The following CDC37 variants were observed in gnomAD, a reference collection of about 807,000 sequenced individuals.
CDC37 encodes the protein cell division cycle 37, HSP90 cochaperone.
CDC37 carries 9 observed loss-of-function variants against 46.9 expected under a neutral mutation model. That is an observed-to-expected ratio of 0.19 (90% confidence interval 0.12 to 0.33). The LOEUF is 0.33. CDC37 is among the 10% of genes least tolerant of loss of function. The pLI, the probability that CDC37 is intolerant of heterozygous loss-of-function variation, is 1.00. For synonymous variants in CDC37, 193 were observed against 191.0 expected (o/e 1.01, Z -0.09); for missense variants, 388 against 514.6 (o/e 0.75, Z 2.38).
In CDC37 at chr19:10,393,630, C is replaced by T; in HGVS notation, c.727-189G>A. ...GACCTCATCTGGCATTTGCCAAAGA[C>T]CACCTGCTTGGGAGCCCTGCTCTAC... is the stretch of plus-strand genomic sequence containing the variant. On this transcript the variant is annotated intron_variant, in intron 5 of 7. Transcript: ENST00000222005. The surrounding 1 kb of genome is among the most constrained non-coding windows in gnomAD (Gnocchi z 4.9). The T allele has an allele frequency of 1.7e-6, 1 of 592,202 alleles. No individual in the cohort carries two copies. The highest frequency in any genetic ancestry group is 2.9e-6 in the Non-Finnish European group (1 of 343,858). The allele number at this position is 592,202 out of a possible 1,614,324, so 36.7% of individuals were successfully genotyped here.
chr19:10,397,834 C>T (rs1265633754), intron 1 of CDC37, among the ~76,000 whole-genome samples: 1 of 152,130 alleles, frequency 6.6e-6, no homozygotes, highest in Non-Finnish European at 1.5e-5. Flanking sequence ...TTCCCGCTCA[C>T]CCCAGCCCCA....
chr19:10,396,689 G>A lies in CDC37; in HGVS notation c.103-486C>T, dbSNP rs1466990419. On this transcript the variant is annotated intron_variant, in intron 1 of 7. Transcript: ENST00000222005. This position sits in a 1 kb window ranked among gnomAD's most constrained non-coding sequence, Gnocchi z 5.9. ...GGGCTCAGGCGATCCTCCCACCTCAGTCTCCCAAGTAGCTGGGACTACAGG... is the reference window on the plus strand; with the variant it reads ...GGGCTCAGGCGATCCTCCCACCTCAATCTCCCAAGTAGCTGGGACTACAGG... Among the ~76,000 whole-genome samples the A allele has an allele frequency of 4.6e-5, 7 of 152,114 alleles. No individual in the cohort carries two copies. Among genetic ancestry groups the A allele is most frequent in the Non-Finnish European group, 7.4e-5 (5 of 68,018 alleles).
intron 3 of CDC37, 28 bp downstream of exon 3, chr19:10,395,406 GC>G (rs1212476872): frequency 3.1e-6 from 5 of 1,605,862 alleles, no homozygotes; most frequent in South Asian, 2.2e-5. Context: ...CCTCGACCTT[GC>G]CCCCCATAAC....
intron 1 of CDC37, among the ~76,000 whole-genome samples, chr19:10,399,931 T>A (rs1441930232): frequency 2.1e-5 from 1 of 48,320 alleles, no homozygotes; most frequent in Non-Finnish European, 3.8e-5. Context: ...GACTCCGTCT[T>A]AAAAAAAAAA....
rs1449345040 is a variant in CDC37 at position 10,396,424 on chromosome 19, C to G, written c.103-221G>C. Among the ~76,000 whole-genome samples the G allele has an allele frequency of 6.6e-6, 1 of 152,230 alleles. No individual in the cohort carries two copies. The highest frequency in any genetic ancestry group is 2.4e-5 in the African/African-American group (1 of 41,468). On this transcript the variant is annotated intron_variant, in intron 1 of 7. Coordinates refer to ENST00000222005, the MANE Select transcript of CDC37 (RefSeq NM_007065.4). The surrounding 1 kb of genome is among the most constrained non-coding windows in gnomAD (Gnocchi z 5.9). ...CTCAGAACCCTGGCGGCTCCCATCT[C>G]ACAGCAGAACCCAAGTTGTCACCAC...
Position 10,393,043 on chromosome 19 carries a change from C to A in CDC37, c.981+43G>T. Reference sequence around the variant, plus strand: ...ACTTGGGACACAGGGCTGGGGGAGACACACGGCCCGCCGGGAAGGCATGGG... The same window carrying A: ...ACTTGGGACACAGGGCTGGGGGAGAAACACGGCCCGCCGGGAAGGCATGGG... On this transcript the variant is annotated intron_variant, in intron 7 of 7. Coordinates refer to ENST00000222005, the MANE Select transcript of CDC37 (RefSeq NM_007065.4). The surrounding 1 kb of genome is among the most constrained non-coding windows in gnomAD (Gnocchi z 4.9). 6.4e-7 allele frequency: 1 copy of A among 1,564,272 alleles called. No homozygotes were observed. Among genetic ancestry groups the A allele is most frequent in the South Asian group, 1.1e-5 (1 of 90,116 alleles).
In CDC37 at chr19:10,393,958, C is replaced by T. The variant is rs558198042; in HGVS notation, c.727-517G>A. 6.6e-6 allele frequency among the ~76,000 whole-genome samples: 1 copy of T among 152,290 alleles called. No homozygotes were observed. Among genetic ancestry groups the T allele is most frequent in the South Asian group, 2.1e-4 (1 of 4,826 alleles). Reference sequence around the variant, plus strand: ...ACAAAAAATTAACCGGGCATGGTGGCACATGCCTGTAGTCCCAGCTACTCA... The same window carrying T: ...ACAAAAAATTAACCGGGCATGGTGGTACATGCCTGTAGTCCCAGCTACTCA... On this transcript the variant is annotated intron_variant, in intron 5 of 7. Transcript: ENST00000222005. The surrounding 1 kb of genome is among the most constrained non-coding windows in gnomAD (Gnocchi z 4.9).
At position 10,395,374 on chromosome 19, in the gene CDC37, G is replaced by A. The variant is rs2042482003; in HGVS notation, c.488-31C>T. The A allele has an allele frequency of 1.9e-6, 3 of 1,608,856 alleles. No homozygotes were observed. The East Asian group carries it at 6.7e-5, about 36-fold the overall frequency. On this transcript the variant is annotated intron_variant, in intron 3 of 7. Coordinates refer to ENST00000222005, the MANE Select transcript of CDC37 (RefSeq NM_007065.4). ...GGAAGATGCTGGCAAGGTGCTGGAG[G>A]GCCCTGGAGGCAAAGGGCCTGCCTC...
Position 10,403,371 on chromosome 19 carries a change from G to C in CDC37, c.102+7C>G. On this transcript the variant is annotated splice_region_variant and intron_variant, in intron 1 of 7. Coordinates refer to ENST00000222005, the MANE Select transcript of CDC37 (RefSeq NM_007065.4). ...AGTGGGGAAAGGGATGGGCGCGCGC[G>C]CCTTACCTGATGCCGCCAGCGGAAG... is the stretch of plus-strand genomic sequence containing the variant. The C allele has an allele frequency of 6.2e-7, 1 of 1,608,740 alleles. No homozygotes were observed. Among genetic ancestry groups the C allele is most frequent in the Non-Finnish European group, 8.5e-7 (1 of 1,177,940 alleles).
intron 1 of CDC37, among the ~76,000 whole-genome samples, chr19:10,400,206 C>T (rs546138313): frequency 6.6e-6 from 1 of 152,230 alleles, no homozygotes; most frequent in African/African-American, 2.4e-5. Flanking sequence ...GCCACCCCAG[C>T]AAGCAGGGCC....
Position 10,395,285 on chromosome 19 carries a change from C to A in CDC37, c.546G>T (p.Val182=), listed in dbSNP as rs150028004. 1 of 1,614,192 alleles carries A rather than the reference C, an allele frequency of 6.2e-7. No individual in the cohort carries two copies. The highest frequency in any genetic ancestry group is 1.1e-5 in the South Asian group (1 of 91,090). The stretch of plus-strand genomic sequence containing the variant: ...CCAGGTAATTGGCTGTCTCCTCGCA[C>A]ACCAGGTGGACGTTGTCTGACAGGT... ...QKYLSDNVHL[V]CEETANYLVI... The change falls in exon 4 of 8, where the codon GTG becomes GTT. Residue 182 remains valine (V), a synonymous_variant. Transcript: ENST00000222005.
At position 10,393,017 on chromosome 19, in the gene CDC37, G is replaced by T; in HGVS notation, c.981+69C>A. 1.4e-6 allele frequency: 2 copies of T among 1,423,444 alleles called. No individual in the cohort carries two copies. The highest frequency in any genetic ancestry group is 2.3e-5 in the South Asian group (2 of 87,408). 88.2% of individuals were successfully genotyped at this position (1,423,444 alleles called of 1,614,324 possible). A position where few individuals can be genotyped will look rare whatever the true frequency, so the allele number is the denominator to read the frequency against. On this transcript the variant is annotated intron_variant, in intron 7 of 7. Transcript: ENST00000222005. This position sits in a 1 kb window ranked among gnomAD's most constrained non-coding sequence, Gnocchi z 4.9. ...GGCACTTTCACCAGCCGGCTTCAGAGACTTGGGACACAGGGCTGGGGGAGA... is the reference window on the plus strand; with the variant it reads ...GGCACTTTCACCAGCCGGCTTCAGATACTTGGGACACAGGGCTGGGGGAGA...
Position 10,399,342 on chromosome 19 carries a change from G to A in CDC37, c.103-3139C>T, listed in dbSNP as rs536146386. ...AAATTAGCCAGGCGTGGTGGCAGGC[G>A]CCTGCAATCCCAGCTACTCCAGAGG... On this transcript the variant is annotated intron_variant, in intron 1 of 7. Coordinates refer to ENST00000222005, the MANE Select transcript of CDC37 (RefSeq NM_007065.4). 3.3e-5 allele frequency among the ~76,000 whole-genome samples: 5 copies of A among 151,362 alleles called. No individual in the cohort carries two copies. The South Asian group carries it at 6.3e-4, about 19-fold the overall frequency.
chr19:10,394,189 G>A (rs955165700), intron 5 of CDC37, among the ~76,000 whole-genome samples: 2 of 152,082 alleles, frequency 1.3e-5, no homozygotes, highest in African/African-American at 2.4e-5. Context: ...GCTTGAACCC[G>A]GGAGGCAGGG....
At chr19:10,397,770 G>C (rs2042499652) in intron 1 of CDC37, among the ~76,000 whole-genome samples, 1 of 151,934 alleles carries the variant, frequency 6.6e-6, no homozygotes. Flanking sequence ...GGCCCTCTTA[G>C]CTCTGTCTCC....
At chr19:10,400,609 A>C (rs1322094734) in intron 1 of CDC37, 1 of 152,048 alleles carries the variant, frequency 6.6e-6, no homozygotes, top group African/African-American at 2.4e-5. Flanking sequence ...CAGAAGTAGG[A>C]GGATCACTTG....
In CDC37 at chr19:10,391,198, C is replaced by T. The variant is rs553717490; in HGVS notation, c.*353G>A. 7.2e-5 allele frequency: 23 copies of T among 319,298 alleles called. No homozygotes were observed. Among genetic ancestry groups the T allele is most frequent in the Non-Finnish European group, 1.3e-4 (21 of 167,944 alleles). 19.8% of individuals were successfully genotyped at this position (319,298 alleles called of 1,614,324 possible). ...CCAAATAGAAGACACAGACAGCAGA[C>T]GAACAGTGAAAACAGAGCCCAGTGA... On this transcript the variant is annotated 3_prime_UTR_variant, in exon 8 of 8. Coordinates refer to ENST00000222005, the MANE Select transcript of CDC37 (RefSeq NM_007065.4).
At chr19:10,400,612 A>C (rs1033749816) in intron 1 of CDC37, 1 of 152,052 alleles carries the variant, frequency 6.6e-6, no homozygotes, top group African/African-American at 2.4e-5. Flanking sequence ...AAGTAGGAGG[A>C]TCACTTGAGC....
Position 10,393,114 on chromosome 19 carries a change from T to C in CDC37, c.953A>G (p.Gln318Arg). 1 of 1,614,020 alleles carries C rather than the reference T, an allele frequency of 6.2e-7. No individual in the cohort carries two copies. The change falls in exon 7 of 8, where the codon CAG (glutamine) becomes CGG (arginine). Residue 318 changes from glutamine to arginine, a missense_variant. This residue lies in a region of CDC37 where 374 missense variants were observed against 467.4 expected (regional missense o/e 0.80). Transcript: ENST00000222005. This position sits in a 1 kb window ranked among gnomAD's most constrained non-coding sequence, Gnocchi z 4.9. ...GGGGTCCATCTTGCTGATGGCGTCC[T>C]GCAGCATCTGCACGTCCTTCACATC... ...CFDVKDVQML[Q>R]DAISKMDPTD...
Sources: gnomAD v4.1 joint callset for allele counts (sites outside exome capture counted in the v4.1 genomes callset) on GRCh38, gnomAD v4.1.1 for gene constraint, gnomAD v4.1.1 regional missense constraint, Gnocchi (gnomAD v3.1) non-coding constraint, MANE v1.5 for transcripts, NCBI Gene and HGNC (gene_info 2026-07-23, HGNC 2026-07-21) for gene names.